The following LCN9 variants were observed in gnomAD, a reference collection of about 807,000 sequenced individuals.
LCN9 encodes the protein lipocalin 9, also known as epididymal-specific lipocalin-9.
LCN9 carries 22 observed loss-of-function variants against 18.5 expected under a neutral mutation model. The observed-to-expected ratio is 1.19, with a 90% CI of 0.85 to 1.70. The LOEUF is 1.70. LCN9 is among the 40% of genes most tolerant of loss of function. The pLI is 0.00. For synonymous variants in LCN9, 89 were observed against 83.0 expected, an observed-to-expected ratio of 1.07 and a Z score of -0.39; for missense variants, 202 against 201.3, an observed-to-expected ratio of 1.00 and a Z score of -0.02.
chr9:135,663,743 G>A (rs989699480), intron 1 of LCN9, among the ~76,000 whole-genome samples: 1 of 147,164 alleles, frequency 6.8e-6, no homozygotes, highest in African/African-American at 2.5e-5. Flanking sequence ...GGGAGACCTA[G>A]GGAAAAGAGG....
chr9:135,664,090 GA>G lies in LCN9; in HGVS notation c.97-70del. 3 of 1,555,350 alleles carry G rather than the reference GA, an allele frequency of 1.9e-6. No homozygotes were observed. The highest frequency in any genetic ancestry group is 2.6e-6 in the Non-Finnish European group (3 of 1,142,680). On this transcript the variant is annotated intron_variant, in intron 1 of 5. Transcript: ENST00000619315. This position sits in a 1 kb window ranked among gnomAD's most constrained non-coding sequence, Gnocchi z 4.5. Reference sequence around the variant, plus strand: ...TGCTAAGGGGCCGGGCCCTGGGAGGGAAGACTGTGGGCGCTAAGCATCCCCA... The same window carrying G: ...TGCTAAGGGGCCGGGCCCTGGGAGGGAGACTGTGGGCGCTAAGCATCCCCA...
At chr9:135,663,528 AC>A in intron 1 of LCN9, 111 bp downstream of exon 1, 1 of 607,838 alleles carries the variant, frequency 1.6e-6, no homozygotes, top group Non-Finnish European at 2.7e-6. Flanking sequence ...AGGGGAGCCC[AC>A]CTCTCCTCCC....
Position 135,664,779 on chromosome 9 carries a change from G to A in LCN9, c.291G>A (p.Gly97=). 1 of 1,593,650 alleles carries A rather than the reference G, an allele frequency of 6.3e-7. No individual in the cohort carries two copies. The highest frequency in any genetic ancestry group is 8.5e-7 in the Non-Finnish European group (1 of 1,170,324). ...TCTGCGAGAAGACAGAGAAGAATGG[G>A]GAATACTCCATCAACTGTAAGTGGA... Residue 97 remains glycine, a synonymous_variant, in exon 3 of 6, where the codon GGG becomes GGA. Coordinates refer to ENST00000619315, the Ensembl canonical transcript of LCN9. This position sits in a 1 kb window ranked among gnomAD's most constrained non-coding sequence, Gnocchi z 4.5.
Position 135,665,732 on chromosome 9 carries a change from T to C in LCN9, c.463T>C (p.Ser155Pro). 1 of 1,613,534 alleles carries C rather than the reference T, an allele frequency of 6.2e-7. No homozygotes were observed. The highest frequency in any genetic ancestry group is 8.5e-7 in the Non-Finnish European group (1 of 1,179,742). The change falls in exon 5 of 6, where the codon TCA becomes CCA. Residue 155 changes from serine to proline, a missense_variant. Coordinates refer to ENST00000619315, the Ensembl canonical transcript of LCN9. This position sits in a 1 kb window ranked among gnomAD's most constrained non-coding sequence, Gnocchi z 5.9. ...AAGTACGGACTTGGCTCACAAAATA[T>C]CATCGACTTGACCAACAAAGGTCAG...
At position 135,663,685 on chromosome 9, in the gene LCN9, C is replaced by A. The variant is rs186951548; in HGVS notation, c.96+268C>A. Among the ~76,000 whole-genome samples, 385 of 144,022 alleles carry A rather than the reference C, an allele frequency of 2.7e-3. 8 individuals are homozygous for A. Among genetic ancestry groups the A allele is most frequent in the Admixed American group, 0.024 (350 of 14,620 alleles). The allele number at this position is 144,022 out of a possible 152,430, so 94.5% of individuals were successfully genotyped here. A position where few individuals can be genotyped will look rare whatever the true frequency, so the allele number is the denominator to read the frequency against. Reference sequence around the variant, plus strand: ...AGCTGGAGAGTGGAGTGGCGGCCAGCAGGGAGATGGGGGCCCTAAGAGGAC... The same window carrying A: ...AGCTGGAGAGTGGAGTGGCGGCCAGAAGGGAGATGGGGGCCCTAAGAGGAC... On this transcript the variant is annotated intron_variant, in intron 1 of 5. Coordinates refer to ENST00000619315, the Ensembl canonical transcript of LCN9.
At chr9:135,663,473 C>T in intron 1 of LCN9, 56 bp downstream of exon 1, 3 of 1,515,624 alleles carry the variant, frequency 2.0e-6, no homozygotes, top group Non-Finnish European at 1.8e-6. Context: ...CACCTGTCTT[C>T]CCCCAGCCTG....
chr9:135,666,638 G>T (rs1449122962), exon 6 of LCN9, among the ~76,000 whole-genome samples: 1 of 152,148 alleles, frequency 6.6e-6, no homozygotes, highest in African/African-American at 2.4e-5. Flanking sequence ...GCCTCCCAGA[G>T]ATACGCCTCT....
At chr9:135,666,167 G>A (rs376566796) in exon 6 of LCN9, 19 of 1,560,958 alleles carry the variant, frequency 1.2e-5, no homozygotes, top group African/African-American at 2.7e-5. Flanking sequence ...CACCATATGC[G>A]GGTGACTAGG....
chr9:135,663,999 G>C (rs1294092733), intron 1 of LCN9, among the ~76,000 whole-genome samples, 163 bp from the exon 2 acceptor site: 1 of 143,242 alleles, frequency 7.0e-6, no homozygotes, highest in Non-Finnish European at 1.5e-5. Flanking sequence ...GGTAAAGGGG[G>C]GATCTGGTGA....
At position 135,665,661 on chromosome 9, in the gene LCN9, A is replaced by T. The variant is rs748974721; in HGVS notation, c.419-27A>T. On this transcript the variant is annotated intron_variant, in intron 4 of 5. Coordinates refer to ENST00000619315, the Ensembl canonical transcript of LCN9. This position sits in a 1 kb window ranked among gnomAD's most constrained non-coding sequence, Gnocchi z 5.9. ...CAACTCTGTTCCCAGCACGGGTCCC[A>T]TAGCTGGAACCCTCCTTCCTGAGCA... is the stretch of plus-strand genomic sequence containing the variant. 1.2e-6 allele frequency: 2 copies of T among 1,606,174 alleles called. No individual in the cohort carries two copies. Among genetic ancestry groups the T allele is most frequent in the South Asian group, 2.2e-5 (2 of 89,554 alleles).
chr9:135,664,860 C>T lies in LCN9; in HGVS notation c.307+65C>T. The T allele has an allele frequency of 1.3e-6, 2 of 1,483,000 alleles. No individual in the cohort carries two copies. Among genetic ancestry groups the T allele is most frequent in the Non-Finnish European group, 9.2e-7 (1 of 1,089,482 alleles). 91.9% of individuals were successfully genotyped at this position (1,483,000 alleles called of 1,614,324 possible). On this transcript the variant is annotated intron_variant, in intron 3 of 5. Transcript: ENST00000619315. This position sits in a 1 kb window ranked among gnomAD's most constrained non-coding sequence, Gnocchi z 4.5. The stretch of plus-strand genomic sequence containing the variant: ...GGTCTCCTTTCTCCAGGGCCTGGGC[C>T]ATATTCTGGTGAGCACTGACTCTGG...
Position 135,664,924 on chromosome 9 carries a change from G to A in LCN9, c.307+129G>A. ...GCCCCTGACAGCTTGACCCTGAACT[G>A]GAGGGACCCATCCTGGCACCTACCC... is the stretch of plus-strand genomic sequence containing the variant. On this transcript the variant is annotated intron_variant, in intron 3 of 5. Coordinates refer to ENST00000619315, the Ensembl canonical transcript of LCN9. The surrounding 1 kb of genome is among the most constrained non-coding windows in gnomAD (Gnocchi z 4.5). The A allele has an allele frequency of 3.0e-6, 3 of 1,003,922 alleles. No individual in the cohort carries two copies. The highest frequency in any genetic ancestry group is 4.4e-6 in the Non-Finnish European group (3 of 681,332). 62.2% of individuals were successfully genotyped at this position (1,003,922 alleles called of 1,614,324 possible).
chr9:135,665,463 G>A lies in LCN9; in HGVS notation c.418+108G>A. On this transcript the variant is annotated intron_variant, in intron 4 of 5. Coordinates refer to ENST00000619315, the Ensembl canonical transcript of LCN9. The surrounding 1 kb of genome is among the most constrained non-coding windows in gnomAD (Gnocchi z 5.9). ...CGCAGTGGCCCTGGGGTTTGGAGAG[G>A]TGGTTCCCGTTGGCTATTCCTTCCC... 2 of 980,840 alleles carry A rather than the reference G, an allele frequency of 2.0e-6. No individual in the cohort carries two copies. The highest frequency in any genetic ancestry group is 3.1e-6 in the Non-Finnish European group (2 of 640,356). The allele number at this position is 980,840 out of a possible 1,614,324, so 60.8% of individuals were successfully genotyped here. A position where few individuals can be genotyped will look rare whatever the true frequency, so the allele number is the denominator to read the frequency against.
Position 135,664,333 on chromosome 9 carries a change from A to T in LCN9, c.233+35A>T. The T allele has an allele frequency of 6.2e-7, 1 of 1,612,520 alleles. No homozygotes were observed. The highest frequency in any genetic ancestry group is 1.3e-5 in the African/African-American group (1 of 74,994). ...GCCCATCTCAGCTGGCATCAGGAAG[A>T]CCCATGCCCCTGCCACCCCAACGCA... On this transcript the variant is annotated intron_variant, in intron 2 of 5. Coordinates refer to ENST00000619315, the Ensembl canonical transcript of LCN9. This position sits in a 1 kb window ranked among gnomAD's most constrained non-coding sequence, Gnocchi z 4.5.
chr9:135,666,424 C>T (rs1834223526), exon 6 of LCN9: 2 of 359,648 alleles, frequency 5.6e-6, no homozygotes, highest in Non-Finnish European at 5.1e-6. Context: ...AATGATCTCC[C>T]GTCAAGACCT....
In LCN9 at chr9:135,665,002, T is replaced by TC. The variant is rs1400828221; in HGVS notation, c.307+208dup. Among the ~76,000 whole-genome samples, 1 of 152,086 alleles carries TC rather than the reference T, an allele frequency of 6.6e-6. No individual in the cohort carries two copies. The highest frequency in any genetic ancestry group is 2.4e-5 in the African/African-American group (1 of 41,416). On this transcript the variant is annotated intron_variant, in intron 3 of 5. Coordinates refer to ENST00000619315, the Ensembl canonical transcript of LCN9. The surrounding 1 kb of genome is among the most constrained non-coding windows in gnomAD (Gnocchi z 5.9). ...GGGAGGCAGGTGTGTCATGCTGAGC[T>TC]CTGGGGGGTGAGCCCACTGAGGGGC...
At position 135,665,532 on chromosome 9, in the gene LCN9, C is replaced by A. The variant is rs1834203456; in HGVS notation, c.419-156C>A. On this transcript the variant is annotated intron_variant, in intron 4 of 5. Transcript: ENST00000619315. This position sits in a 1 kb window ranked among gnomAD's most constrained non-coding sequence, Gnocchi z 5.9. Reference sequence around the variant, plus strand: ...TGCTGGGTGCTTCAATCTGTCACCTCCCATCTCACTTGGCACAAAGCCCCT... The same window carrying A: ...TGCTGGGTGCTTCAATCTGTCACCTACCATCTCACTTGGCACAAAGCCCCT... The A allele has an allele frequency of 2.4e-6, 2 of 838,860 alleles. No homozygotes were observed. The highest frequency in any genetic ancestry group is 3.8e-6 in the Non-Finnish European group (2 of 524,898). 52.0% of individuals were successfully genotyped at this position (838,860 alleles called of 1,614,324 possible).
At chr9:135,663,928 G>A (rs11103129) in intron 1 of LCN9, among the ~76,000 whole-genome samples, 10 of 134,036 alleles carry the variant, frequency 7.5e-5, no homozygotes, top group African/African-American at 2.8e-4. Flanking sequence ...GGGAGACCTG[G>A]GGGGCAGCGG....
Position 135,665,723 on chromosome 9 carries a change from C to G in LCN9, c.454C>G (p.His152Asp). The G allele has an allele frequency of 6.2e-7, 1 of 1,613,588 alleles. No homozygotes were observed. Among genetic ancestry groups the G allele is most frequent in the Non-Finnish European group, 8.5e-7 (1 of 1,179,756 alleles). Residue 152 changes from histidine (H) to aspartate (D), a missense_variant, in exon 5 of 6, where the codon CAC (histidine) becomes GAC (aspartate). Physicochemically the swap from His to Asp is moderately conservative, Grantham distance 81. Coordinates refer to ENST00000619315, the Ensembl canonical transcript of LCN9. This position sits in a 1 kb window ranked among gnomAD's most constrained non-coding sequence, Gnocchi z 5.9. ...ACCTGCGAAAAGTACGGACTTGGCT[C>G]ACAAAATATCATCGACTTGACCAAC...
Sources: allele counts gnomAD v4.1 joint callset (sites outside exome capture counted in the v4.1 genomes callset), GRCh38; gene constraint gnomAD v4.1.1; non-coding constraint Gnocchi (gnomAD v3.1); transcripts MANE v1.5; gene names NCBI Gene and HGNC (gene_info 2026-07-23, HGNC 2026-07-21).